PPP2R5E: variants seen among roughly 807,000 people sequenced by gnomAD.
The protein encoded by PPP2R5E is protein phosphatase 2 regulatory subunit B'epsilon.
A neutral mutation model predicts 65.3 loss-of-function variants in PPP2R5E; 4 were observed. The ratio of observed to expected loss-of-function variants is 0.06; its 90% confidence interval spans 0.03 to 0.14. PPP2R5E has a LOEUF of 0.14. PPP2R5E is among the 10% of genes least tolerant of loss of function. The pLI is 1.00. For synonymous variants in PPP2R5E, 183 were observed against 187.4 expected (o/e 0.98, Z 0.19); for missense variants, 274 against 556.1 (o/e 0.49, Z 5.10).
intron 2 of PPP2R5E, among the ~76,000 whole-genome samples, chr14:63,465,465 A>C (rs1258099049): frequency 1.5e-5 from 2 of 133,076 alleles, no homozygotes; most frequent in East Asian, 2.4e-4. Flanking sequence ...AAAAAAAAAA[A>C]AAAAAAAACA....
At chr14:63,462,162 C>T (rs952153031) in intron 2 of PPP2R5E, among the ~76,000 whole-genome samples, 6 of 151,956 alleles carry the variant, frequency 3.9e-5, no homozygotes, top group Non-Finnish European at 5.9e-5. Flanking sequence ...GCTCCGCCTC[C>T]TGGGTTCACG....
rs1437038589 is a variant in PPP2R5E at position 63,460,627 on chromosome 14, T to C, written c.158-6742A>G. On this transcript the variant is annotated intron_variant, in intron 2 of 13. Transcript: ENST00000337537. ...AGTTTAGGCAGGTAGGTTTAAGTTT[T>C]AGATAATAATAACATATTAATTATT... Among the ~76,000 whole-genome samples the C allele has an allele frequency of 9.2e-5, 14 of 152,180 alleles. No individual in the cohort carries two copies. The East Asian group carries it at 1.2e-3, about 13-fold the overall frequency.
intron 2 of PPP2R5E, among the ~76,000 whole-genome samples, chr14:63,535,084 G>A (rs1893614047): frequency 6.6e-6 from 1 of 152,130 alleles, no homozygotes; most frequent in South Asian, 2.1e-4. Context: ...GCTTTCTACA[G>A]GAAATAACAT....
chr14:63,424,401 T>G (rs1243346399), intron 3 of PPP2R5E, among the ~76,000 whole-genome samples: 1 of 151,990 alleles, frequency 6.6e-6, no homozygotes, highest in African/African-American at 2.4e-5. Flanking sequence ...AGCATATAGA[T>G]AATACTTAAA....
chr14:63,503,167 A>G lies in PPP2R5E; in HGVS notation c.157+36362T>C, dbSNP rs149154453. Reference sequence around the variant, plus strand: ...AAAGTTAGCCATTTTTTTTTTAACTACTGTATGTACAGAGGGATTTTGGGA... The same window carrying G: ...AAAGTTAGCCATTTTTTTTTTAACTGCTGTATGTACAGAGGGATTTTGGGA... On this transcript the variant is annotated intron_variant, in intron 2 of 13. Transcript: ENST00000337537. Among the ~76,000 whole-genome samples the G allele has an allele frequency of 5.9e-5, 9 of 152,126 alleles. No individual in the cohort carries two copies. The East Asian group carries it at 1.5e-3, about 26-fold the overall frequency.
At chr14:63,494,046 T>A (rs1262454617) in intron 2 of PPP2R5E, among the ~76,000 whole-genome samples, 2 of 152,100 alleles carry the variant, frequency 1.3e-5, no homozygotes, top group African/African-American at 4.8e-5. Flanking sequence ...TTACCCAGAA[T>A]TCCACTTTTA....
At chr14:63,430,187 C>T (rs1887560429) in intron 3 of PPP2R5E, among the ~76,000 whole-genome samples, 1 of 152,116 alleles carries the variant, frequency 6.6e-6, no homozygotes, top group Non-Finnish European at 1.5e-5. Context: ...ACACCTAAGA[C>T]TATTTTCAAA....
chr14:63,506,772 A>G (rs939572405), intron 2 of PPP2R5E, among the ~76,000 whole-genome samples: 1 of 152,222 alleles, frequency 6.6e-6, no homozygotes, highest in Admixed American at 6.5e-5. Flanking sequence ...TTACCAAATG[A>G]CCCAGCAATC....
chr14:63,407,656 T>C (rs1886165716), intron 5 of PPP2R5E, among the ~76,000 whole-genome samples: 1 of 152,208 alleles, frequency 6.6e-6, no homozygotes, highest in Admixed American at 6.5e-5. Flanking sequence ...AGAACTCCTT[T>C]CAAAATTGTT....
chr14:63,381,433 C>T (rs934679645), intron 13 of PPP2R5E, among the ~76,000 whole-genome samples: 1 of 152,178 alleles, frequency 6.6e-6, no homozygotes, highest in Non-Finnish European at 1.5e-5. Flanking sequence ...AGAGAGCAAA[C>T]TACCTGATGG....
chr14:63,392,641 T>C (rs1466637838), intron 8 of PPP2R5E, among the ~76,000 whole-genome samples: 1 of 152,182 alleles, frequency 6.6e-6, no homozygotes, highest in Non-Finnish European at 1.5e-5. Flanking sequence ...AAGGCAAGAT[T>C]TGTAAAAGGG....
chr14:63,507,645 T>G (rs1892262855), intron 2 of PPP2R5E, among the ~76,000 whole-genome samples: 1 of 146,888 alleles, frequency 6.8e-6, no homozygotes, highest in Non-Finnish European at 1.5e-5. Flanking sequence ...AGTGGTGTGA[T>G]CTCAGCTCAC....
In PPP2R5E at chr14:63,478,625, A is replaced by G. The variant is rs538790218; in HGVS notation, c.158-24740T>C. Among the ~76,000 whole-genome samples, 4 of 152,256 alleles carry G rather than the reference A, an allele frequency of 2.6e-5. No individual in the cohort carries two copies. The South Asian group carries it at 8.3e-4, about 32-fold the overall frequency. On this transcript the variant is annotated intron_variant, in intron 2 of 13. Transcript: ENST00000337537. ...GGGAAAAACATATAATGTCTTAAGT[A>G]TTACTATAAAATTAGTTTTGACCTC...
chr14:63,528,292 A>C (rs1473782196), intron 2 of PPP2R5E, among the ~76,000 whole-genome samples: 4 of 152,222 alleles, frequency 2.6e-5, no homozygotes, highest in African/African-American at 9.6e-5. Flanking sequence ...CTCTGCTCTG[A>C]AAGTCCATTA....
At chr14:63,500,669 T>C (rs905336483) in intron 2 of PPP2R5E, among the ~76,000 whole-genome samples, 4 of 151,884 alleles carry the variant, frequency 2.6e-5, no homozygotes, top group African/African-American at 7.3e-5. Context: ...TAGAGCAACA[T>C]AGATAGGCAA....
intron 2 of PPP2R5E, among the ~76,000 whole-genome samples, chr14:63,467,204 C>G (rs1889864746): frequency 1.4e-5 from 2 of 138,212 alleles, no homozygotes; most frequent in South Asian, 4.4e-4. Flanking sequence ...GCCTGGGTGA[C>G]AGAGCAAGAC....
chr14:63,394,070 CTTTTTTTTTTTTTT>C (rs557273298), intron 7 of PPP2R5E, 142 bp from the exon 8 acceptor site: 15 of 181,336 alleles, frequency 8.3e-5, no homozygotes, highest in Middle Eastern at 4.4e-3. Flanking sequence ...TCAGAATTTC[CTTTTTTTTTTTTTT>C]TTTTTTTTTT....
chr14:63,396,000 G>A (rs1157402635), intron 6 of PPP2R5E, among the ~76,000 whole-genome samples: 1 of 5,770 alleles, frequency 1.7e-4, no homozygotes, highest in Admixed American at 1.8e-3. Context: ...AGAGACGGGG[G>A]AGGAGAGGAG....
At chr14:63,464,011 C>G (rs148986323) in intron 2 of PPP2R5E, among the ~76,000 whole-genome samples, 1 of 152,050 alleles carries the variant, frequency 6.6e-6, no homozygotes, top group East Asian at 1.9e-4. Flanking sequence ...TTGGAAATGC[C>G]CTCTATAGCA....
Sources: allele counts gnomAD v4.1 joint callset (sites outside exome capture counted in the v4.1 genomes callset), GRCh38; gene constraint gnomAD v4.1.1; transcripts MANE v1.5; gene names NCBI Gene and HGNC (gene_info 2026-07-23, HGNC 2026-07-21).